PKNOX2: variants seen among roughly 807,000 people sequenced by gnomAD.
The protein encoded by PKNOX2 is homeobox protein PKNOX2.
A neutral mutation model predicts 53.1 loss-of-function variants in PKNOX2; 14 were observed. That is an observed-to-expected ratio of 0.26 (90% CI 0.17 to 0.41). The LOEUF (loss-of-function observed/expected upper bound fraction) is 0.41. PKNOX2 is among the 10% of genes least tolerant of loss of function. The pLI is 1.00. For missense variants in PKNOX2, 496 were observed against 602.8 expected (o/e 0.82, Z 1.85); for synonymous variants, 257 against 242.8 (o/e 1.06, Z -0.54).
intron 1 of PKNOX2, among the ~76,000 whole-genome samples, chr11:125,188,982 C>T (rs1007687660): frequency 6.6e-6 from 1 of 151,968 alleles, no homozygotes; most frequent in African/African-American, 2.4e-5. Context: ...CCAGTGTGGA[C>T]AGGACACCGC....
chr11:125,214,574 G>A (rs1716551228), intron 1 of PKNOX2, among the ~76,000 whole-genome samples: 1 of 152,030 alleles, frequency 6.6e-6, no homozygotes, highest in South Asian at 2.1e-4. Context: ...GCCTGGGCTG[G>A]CCCTGCCTGG....
At chr11:125,178,673 A>AAGGAAGGAAGGAAG (rs1591470489) in intron 1 of PKNOX2, among the ~76,000 whole-genome samples, 2 of 54,244 alleles carry the variant, frequency 3.7e-5, no homozygotes, top group African/African-American at 9.1e-5. Context: ...AAGGAAGGAA[A>AAGGAAGGAAGGAAG]GAAAGAGAGA....
At chr11:125,253,307 A>C (rs1166387108) in intron 2 of PKNOX2, among the ~76,000 whole-genome samples, 2 of 152,180 alleles carry the variant, frequency 1.3e-5, no homozygotes, top group East Asian at 1.9e-4. Context: ...TGTCATAAAG[A>C]GGAGGAAACA....
At chr11:125,234,999 T>C (rs971391658) in intron 1 of PKNOX2, 46 bp from the exon 2 acceptor site, 2 of 152,718 alleles carry the variant, frequency 1.3e-5, no homozygotes, top group African/African-American at 4.8e-5. Context: ...CTTTCACTTC[T>C]GCAGCATCTT....
chr11:125,199,707 G>A (rs1268045184), intron 1 of PKNOX2, among the ~76,000 whole-genome samples: 2 of 152,156 alleles, frequency 1.3e-5, no homozygotes, highest in Non-Finnish European at 2.9e-5. Flanking sequence ...TTAGCCAGAT[G>A]TGGTGGCAGG....
intron 1 of PKNOX2, among the ~76,000 whole-genome samples, chr11:125,200,825 A>G (rs1938348635): frequency 6.6e-6 from 1 of 152,222 alleles, no homozygotes; most frequent in Admixed American, 6.5e-5. Context: ...CGGTTAAGCA[A>G]CTGAGTGAAT....
intron 2 of PKNOX2, among the ~76,000 whole-genome samples, chr11:125,296,519 G>A (rs1947668403): frequency 6.6e-6 from 1 of 152,170 alleles, no homozygotes; most frequent in Non-Finnish European, 1.5e-5. Context: ...TACCTTACAT[G>A]AAAGAGTGAG....
intron 2 of PKNOX2, among the ~76,000 whole-genome samples, chr11:125,297,516 G>A (rs1947734775): frequency 6.6e-6 from 1 of 152,190 alleles, no homozygotes; most frequent in Non-Finnish European, 1.5e-5. Flanking sequence ...TTCTGGAGAA[G>A]TCAGAGAAGG....
intron 2 of PKNOX2, among the ~76,000 whole-genome samples, chr11:125,328,870 C>T (rs1427514854): frequency 2.0e-5 from 3 of 152,246 alleles, no homozygotes; most frequent in African/African-American, 7.2e-5. Flanking sequence ...ATAAGAGCAA[C>T]TACCTGGCAA....
At chr11:125,233,331 A>T (rs1409675598) in intron 1 of PKNOX2, among the ~76,000 whole-genome samples, 2 of 152,206 alleles carry the variant, frequency 1.3e-5, no homozygotes, top group Non-Finnish European at 2.9e-5. Flanking sequence ...ATGTAATTTA[A>T]TCTAGAGACT....
In PKNOX2 at chr11:125,352,951, G is replaced by C. The variant is rs1479115401; in HGVS notation, c.87+1559G>C. On this transcript the variant is annotated intron_variant, in intron 4 of 12. Coordinates refer to ENST00000298282, the MANE Select transcript of PKNOX2 (RefSeq NM_001382323.2). This position sits in a 1 kb window ranked among gnomAD's most constrained non-coding sequence, Gnocchi z 4.1. ...CAGCTCCCGAGACAAAGTTCAGAAG[G>C]AGCCCTCAACTGATGGGAACCTTTT... Among the ~76,000 whole-genome samples, 1 of 152,140 alleles carries C rather than the reference G, an allele frequency of 6.6e-6. No individual in the cohort carries two copies. The highest frequency in any genetic ancestry group is 2.4e-5 in the African/African-American group (1 of 41,430).
At chr11:125,429,408 G>A (rs1000360672) in intron 11 of PKNOX2, among the ~76,000 whole-genome samples, 34 of 152,200 alleles carry the variant, frequency 2.2e-4, no homozygotes, top group Admixed American at 1.8e-3. Context: ...AGGATTGCCC[G>A]CAGCTGTGCA....
chr11:125,416,697 G>A (rs986376966), intron 10 of PKNOX2, among the ~76,000 whole-genome samples: 2 of 152,054 alleles, frequency 1.3e-5, no homozygotes, highest in African/African-American at 2.4e-5. Flanking sequence ...TCAGAGTGCT[G>A]CAGACAGCAG....
At chr11:125,403,228 C>T (rs1954863739) in intron 7 of PKNOX2, among the ~76,000 whole-genome samples, 1 of 152,132 alleles carries the variant, frequency 6.6e-6, no homozygotes, top group Admixed American at 6.5e-5. Context: ...CCCAGGTCTC[C>T]AAGTGTAATG....
intron 4 of PKNOX2, among the ~76,000 whole-genome samples, chr11:125,362,727 G>A (rs1053081095): frequency 2.6e-5 from 4 of 152,130 alleles, no homozygotes; most frequent in African/African-American, 9.7e-5. Context: ...CCTACAATTG[G>A]AAAAAGATGG....
At chr11:125,381,226 G>C (rs1953206604) in intron 5 of PKNOX2, among the ~76,000 whole-genome samples, 1 of 152,170 alleles carries the variant, frequency 6.6e-6, no homozygotes, top group African/African-American at 2.4e-5. Flanking sequence ...CTCAGATGCT[G>C]TCTGAGCTCT....
At chr11:125,265,875 C>G (rs1398677221) in intron 2 of PKNOX2, among the ~76,000 whole-genome samples, 1 of 152,204 alleles carries the variant, frequency 6.6e-6, no homozygotes, top group Non-Finnish European at 1.5e-5. Context: ...CGTCTAAACT[C>G]TCAGAGTAGT....
chr11:125,179,087 C>A (rs918651568), intron 1 of PKNOX2, among the ~76,000 whole-genome samples: 1 of 152,166 alleles, frequency 6.6e-6, no homozygotes, highest in African/African-American at 2.4e-5. Flanking sequence ...GTTTGTCCCA[C>A]CGTGTGTCCC....
chr11:125,165,108 C>A lies in PKNOX2; in HGVS notation c.-201+332C>A, dbSNP rs1433846408. Among the ~76,000 whole-genome samples the A allele has an allele frequency of 6.7e-6, 1 of 148,330 alleles. No homozygotes were observed. Among genetic ancestry groups the A allele is most frequent in the African/African-American group, 2.4e-5 (1 of 40,946 alleles). Reference sequence around the variant, plus strand: ...CCGGGCACGGAGGCTGCGAGAGCCCCGCGGGCCGCCCGCTCCCCTGCCCGG... The same window carrying A: ...CCGGGCACGGAGGCTGCGAGAGCCCAGCGGGCCGCCCGCTCCCCTGCCCGG... On this transcript the variant is annotated intron_variant, in intron 1 of 12. Transcript: ENST00000298282. The surrounding 1 kb of genome is among the most constrained non-coding windows in gnomAD (Gnocchi z 4.5).
Sources: gnomAD v4.1 joint callset for allele counts (sites outside exome capture counted in the v4.1 genomes callset) on GRCh38, gnomAD v4.1.1 for gene constraint, Gnocchi (gnomAD v3.1) non-coding constraint, MANE v1.5 for transcripts, NCBI Gene and HGNC (gene_info 2026-07-23, HGNC 2026-07-21) for gene names.